CNTNAP2: variants seen among roughly 807,000 people sequenced by gnomAD.
CNTNAP2 encodes contactin-associated protein-like 2.
Under a neutral mutation model 155.2 loss-of-function variants are expected in CNTNAP2, and 98 were observed. The ratio of observed to expected loss-of-function variants is 0.63; its 90% CI spans 0.54 to 0.75. The LOEUF (loss-of-function observed/expected upper bound fraction) is 0.75, where lower values mean the gene tolerates loss of function less well. Ranked by LOEUF, CNTNAP2 falls within the 30% of genes least tolerant of loss-of-function variation. The probability of loss-of-function intolerance (pLI) is 0.00; values close to 1 mark genes in which losing one functional copy is unlikely to be tolerated. For missense variants in CNTNAP2, 1,727 were observed against 1,688.1 expected (o/e 1.02, Z -0.40); for synonymous variants, 651 against 631.2 (o/e 1.03, Z -0.47).
chr7:147,609,503 C>T (rs1484819338), intron 12 of CNTNAP2, among the ~76,000 whole-genome samples: 1 of 151,962 alleles, frequency 6.6e-6, no homozygotes, highest in Non-Finnish European at 1.5e-5. Context: ...TGCACTCCAG[C>T]CTGGGTGACA....
At chr7:147,319,222 G>C (rs1202456318) in intron 9 of CNTNAP2, among the ~76,000 whole-genome samples, 1 of 152,076 alleles carries the variant, frequency 6.6e-6, no homozygotes, top group African/African-American at 2.4e-5. Flanking sequence ...AATAATTTCA[G>C]AATTCTTTAC....
chr7:146,701,341 C>T (rs554596078), intron 1 of CNTNAP2, among the ~76,000 whole-genome samples: 4 of 152,170 alleles, frequency 2.6e-5, no homozygotes, highest in Admixed American at 1.3e-4. Context: ...TTGTGCAACA[C>T]GGTGGATAGT....
intron 13 of CNTNAP2, among the ~76,000 whole-genome samples, chr7:147,688,557 G>A (rs1156731613): frequency 6.6e-6 from 1 of 152,086 alleles, no homozygotes; most frequent in Non-Finnish European, 1.5e-5. Flanking sequence ...CTTAGATTCT[G>A]TTTGCCTGGA....
At chr7:146,286,397 T>G (rs1800337805) in intron 1 of CNTNAP2, among the ~76,000 whole-genome samples, 1 of 152,068 alleles carries the variant, frequency 6.6e-6, no homozygotes, top group South Asian at 2.1e-4. Flanking sequence ...TAGACAGTGG[T>G]AAATTCATCA....
Position 147,772,197 on chromosome 7 carries a change from G to A in CNTNAP2, c.2099-131368G>A, listed in dbSNP as rs1188193720. On this transcript the variant is annotated intron_variant, in intron 13 of 23. Coordinates refer to ENST00000361727, the MANE Select transcript of CNTNAP2 (RefSeq NM_014141.6). The stretch of plus-strand genomic sequence containing the variant: ...TCCCAGCACTTTGGGAGGCCAAGGC[G>A]GGTGGATCACGAGGTCAGGAATTCA... Among the ~76,000 whole-genome samples the A allele has an allele frequency of 3.3e-5, 5 of 151,584 alleles. No homozygotes were observed. The East Asian group carries it at 5.9e-4, about 18-fold the overall frequency.
At chr7:146,901,316 C>A (rs1242745198) in intron 3 of CNTNAP2, among the ~76,000 whole-genome samples, 1 of 152,060 alleles carries the variant, frequency 6.6e-6, no homozygotes, top group Non-Finnish European at 1.5e-5. Context: ...AAAATTATTT[C>A]CAGATGTTTG....
chr7:147,076,240 T>A (rs529669094), intron 4 of CNTNAP2, among the ~76,000 whole-genome samples: 11 of 152,326 alleles, frequency 7.2e-5, no homozygotes, highest in African/African-American at 2.6e-4. Flanking sequence ...TAGTTTACAG[T>A]CCCACCAACA....
intron 13 of CNTNAP2, among the ~76,000 whole-genome samples, chr7:147,647,898 T>C (rs1584878401): frequency 6.6e-6 from 1 of 152,004 alleles, no homozygotes; most frequent in Non-Finnish European, 1.5e-5. Context: ...GCAAGAAAAT[T>C]GAGGTATGGT....
At chr7:146,894,254 TA>T (rs527739839) in intron 3 of CNTNAP2, among the ~76,000 whole-genome samples, 1 of 152,168 alleles carries the variant, frequency 6.6e-6, no homozygotes, top group Non-Finnish European at 1.5e-5. Context: ...GCCTTAGAAA[TA>T]TTTCAGTGTT....
intron 1 of CNTNAP2, among the ~76,000 whole-genome samples, chr7:146,414,487 G>A (rs1421787248): frequency 6.6e-6 from 1 of 152,156 alleles, no homozygotes; most frequent in Admixed American, 6.5e-5. Context: ...TCATCTGGAA[G>A]GTGATAGTTG....
intron 3 of CNTNAP2, among the ~76,000 whole-genome samples, chr7:146,943,922 T>C (rs1284500630): frequency 2.0e-5 from 3 of 152,194 alleles, no homozygotes; most frequent in Admixed American, 6.5e-5. Context: ...CTCACCGCAA[T>C]AGCAGTAACT....
At chr7:147,887,062 A>G (rs1024829238) in intron 13 of CNTNAP2, among the ~76,000 whole-genome samples, 8 of 152,210 alleles carry the variant, frequency 5.3e-5, no homozygotes, top group African/African-American at 1.9e-4. Context: ...CACATTGTAT[A>G]ATAAAATATC....
At chr7:148,301,584 T>A (rs1405401731) in intron 21 of CNTNAP2, among the ~76,000 whole-genome samples, 2 of 152,172 alleles carry the variant, frequency 1.3e-5, no homozygotes, top group Non-Finnish European at 2.9e-5. Flanking sequence ...ATGTTTTAAG[T>A]ACCCAATTAG....
At chr7:147,513,874 C>T (rs1799065397) in intron 11 of CNTNAP2, among the ~76,000 whole-genome samples, 1 of 152,218 alleles carries the variant, frequency 6.6e-6, no homozygotes, top group Admixed American at 6.5e-5. Flanking sequence ...AATTATCAGA[C>T]AAGAACAGGA....
At chr7:146,982,988 G>A (rs1798047686) in intron 3 of CNTNAP2, among the ~76,000 whole-genome samples, 1 of 152,106 alleles carries the variant, frequency 6.6e-6, no homozygotes, top group Non-Finnish European at 1.5e-5. Flanking sequence ...TGCTGCCAAT[G>A]GCTTAATTCA....
At chr7:146,519,371 G>A (rs971152083) in intron 1 of CNTNAP2, among the ~76,000 whole-genome samples, 2 of 151,834 alleles carry the variant, frequency 1.3e-5, no homozygotes, top group African/African-American at 4.8e-5. Flanking sequence ...GGTTGGGGAA[G>A]TCTTCAAGAG....
At chr7:147,572,092 A>G (rs1036104594) in intron 12 of CNTNAP2, among the ~76,000 whole-genome samples, 4 of 152,208 alleles carry the variant, frequency 2.6e-5, no homozygotes, top group African/African-American at 9.6e-5. Flanking sequence ...TCAATTGAAA[A>G]TCTCGGAACC....
chr7:147,259,385 T>C (rs1003076873), intron 8 of CNTNAP2, among the ~76,000 whole-genome samples: 1 of 152,224 alleles, frequency 6.6e-6, no homozygotes, highest in African/African-American at 2.4e-5. Flanking sequence ...TTAATGGGTC[T>C]TCTGTTTCCT....
At chr7:147,876,734 C>G (rs1045927072) in intron 13 of CNTNAP2, among the ~76,000 whole-genome samples, 1 of 151,966 alleles carries the variant, frequency 6.6e-6, no homozygotes, top group Admixed American at 6.6e-5. Flanking sequence ...TTCTAGGAAG[C>G]CTGAACGTAG....
Sources: allele counts gnomAD v4.1 joint callset (sites outside exome capture counted in the v4.1 genomes callset), GRCh38; gene constraint gnomAD v4.1.1; transcripts MANE v1.5; gene names NCBI Gene and HGNC (gene_info 2026-07-23, HGNC 2026-07-21).